The following LRP1B variants were observed in gnomAD, a reference collection of about 807,000 sequenced individuals.
The protein encoded by LRP1B is LDL receptor related protein 1B.
In LRP1B, 217 loss-of-function variants were observed where a neutral mutation model predicts 556.6. The ratio of observed to expected loss-of-function variants is 0.39; its 90% confidence interval spans 0.35 to 0.44. LRP1B has a LOEUF of 0.44. Among genes scored for constraint, LRP1B ranks in the 20% least tolerant of loss-of-function variants. The pLI is 1.00. For synonymous variants in LRP1B, 2,047 were observed against 1,865.8 expected, an observed-to-expected ratio of 1.10 and a Z score of -2.50; for missense variants, 5,053 against 5,620.8, an observed-to-expected ratio of 0.90 and a Z score of 3.23.
At chr2:140,795,669 C>T (rs1289030621) in intron 32 of LRP1B, among the ~76,000 whole-genome samples, 2 of 151,966 alleles carry the variant, frequency 1.3e-5, no homozygotes, top group Non-Finnish European at 2.9e-5. Context: ...ATATAGCCCC[C>T]AAAATTTCTA....
chr2:141,064,730 C>A (rs1001466686), intron 7 of LRP1B, among the ~76,000 whole-genome samples: 1 of 151,872 alleles, frequency 6.6e-6, no homozygotes, highest in African/African-American at 2.4e-5. Flanking sequence ...TAATTTTACC[C>A]TAAAATTTCC....
intron 14 of LRP1B, among the ~76,000 whole-genome samples, chr2:141,010,200 T>G (rs946954581): frequency 2.6e-5 from 4 of 151,996 alleles, no homozygotes; most frequent in Non-Finnish European, 5.9e-5. Context: ...TTCCCCAAAA[T>G]GTGCAAAAAA....
intron 57 of LRP1B, among the ~76,000 whole-genome samples, chr2:140,489,806 A>G (rs1688625709): frequency 6.6e-6 from 1 of 152,074 alleles, no homozygotes; most frequent in Admixed American, 6.6e-5. Flanking sequence ...TTTACCCACA[A>G]TCCCCAGTCA....
At chr2:140,251,763 A>T (rs1681427570) in intron 86 of LRP1B, among the ~76,000 whole-genome samples, 1 of 151,818 alleles carries the variant, frequency 6.6e-6, no homozygotes, top group Admixed American at 6.6e-5. Context: ...TGCATGTCTC[A>T]GTGCCCTTAA....
chr2:141,970,647 C>T (rs933168200), intron 1 of LRP1B, among the ~76,000 whole-genome samples: 1 of 151,514 alleles, frequency 6.6e-6, no homozygotes, highest in African/African-American at 2.4e-5. Context: ...TAGAAATAAG[C>T]TGATCGAATC....
intron 1 of LRP1B, among the ~76,000 whole-genome samples, chr2:142,127,047 C>CCATATCACT (rs1246074503): frequency 4.0e-5 from 6 of 151,552 alleles, no homozygotes; most frequent in African/African-American, 1.5e-4. Context: ...AATACATTAA[C>CCATATCACT]CATATCACTC....
chr2:140,854,453 TTC>T lies in LRP1B; in HGVS notation c.4580-2672_4580-2671del, dbSNP rs200525257. On this transcript the variant is annotated intron_variant, in intron 27 of 90. Coordinates refer to ENST00000389484, the MANE Select transcript of LRP1B (RefSeq NM_018557.3). Reference sequence around the variant, plus strand: ...CATAGATTGAAAAATCCACAAAGAATTCTTACTTTTCATTTTCATCTCTTCTC... The same window carrying T: ...CATAGATTGAAAAATCCACAAAGAATTTACTTTTCATTTTCATCTCTTCTC... Among the ~76,000 whole-genome samples, 1,056 of 152,300 alleles carry T rather than the reference TTC, an allele frequency of 6.9e-3. 17 individuals are homozygous for T. The highest frequency in any genetic ancestry group is 0.024 in the African/African-American group (999 of 41,568).
At chr2:140,664,045 T>C (rs1056438503) in intron 41 of LRP1B, among the ~76,000 whole-genome samples, 2 of 152,158 alleles carry the variant, frequency 1.3e-5, no homozygotes, top group Non-Finnish European at 2.9e-5. Flanking sequence ...ACACACTGTA[T>C]TTCTGACTGC....
At chr2:141,663,330 C>G (rs1690295982) in intron 2 of LRP1B, among the ~76,000 whole-genome samples, 1 of 151,302 alleles carries the variant, frequency 6.6e-6, no homozygotes, top group Non-Finnish European at 1.5e-5. Context: ...AAGAAATAAC[C>G]AAGATCAGAA....
chr2:141,217,134 A>G (rs1192763929), intron 6 of LRP1B, among the ~76,000 whole-genome samples: 1 of 152,134 alleles, frequency 6.6e-6, no homozygotes, highest in Non-Finnish European at 1.5e-5. Context: ...GTAATCTCCA[A>G]CGTTGGAGGT....
chr2:140,254,349 C>A (rs1193272156), intron 86 of LRP1B, among the ~76,000 whole-genome samples: 1 of 152,076 alleles, frequency 6.6e-6, no homozygotes, highest in Non-Finnish European at 1.5e-5. Flanking sequence ...AACTCTGATT[C>A]TCTGAAAATA....
chr2:141,911,930 C>T (rs1699916805), intron 1 of LRP1B, among the ~76,000 whole-genome samples: 1 of 152,096 alleles, frequency 6.6e-6, no homozygotes, highest in Non-Finnish European at 1.5e-5. Flanking sequence ...ATCTCATGAA[C>T]CCCCTACAAG....
Position 141,015,916 on chromosome 2 carries a change from C to T in LRP1B, c.1971-1G>A. On this transcript the variant is annotated splice_acceptor_variant, in intron 12 of 90. Coordinates refer to ENST00000389484, the MANE Select transcript of LRP1B (RefSeq NM_018557.3). LOFTEE classifies it high-confidence loss of function. Reference sequence around the variant, plus strand: ...CTCCCAGTCTGTCCAATACATCCAACTAAGACATTAAAAAAACAACAAAAA... The same window carrying T: ...CTCCCAGTCTGTCCAATACATCCAATTAAGACATTAAAAAAACAACAAAAA... The T allele has an allele frequency of 6.2e-7, 1 of 1,611,394 alleles. No individual in the cohort carries two copies. The highest frequency in any genetic ancestry group is 8.5e-7 in the Non-Finnish European group (1 of 1,177,924).
chr2:140,385,884 G>A lies in LRP1B; in HGVS notation c.10531+9C>T, dbSNP rs768654124. Reference sequence around the variant, plus strand: ...AAGCTCAAAACATTATTAGGCAAGAGTTACTTACTACAGTTTTCTTCATCT... The same window carrying A: ...AAGCTCAAAACATTATTAGGCAAGAATTACTTACTACAGTTTTCTTCATCT... On this transcript the variant is annotated intron_variant, in intron 67 of 90. Coordinates refer to ENST00000389484, the MANE Select transcript of LRP1B (RefSeq NM_018557.3). The A allele has an allele frequency of 2.6e-6, 4 of 1,568,484 alleles. No individual in the cohort carries two copies. Among genetic ancestry groups the A allele is most frequent in the Admixed American group, 1.7e-5 (1 of 59,794 alleles).
At chr2:141,259,792 A>G (rs959830858) in intron 3 of LRP1B, among the ~76,000 whole-genome samples, 2 of 152,352 alleles carry the variant, frequency 1.3e-5, no homozygotes, top group South Asian at 4.1e-4. Flanking sequence ...AATGGGGATA[A>G]TAATAGAAAC....
At chr2:140,681,116 T>A (rs1685846261) in intron 41 of LRP1B, among the ~76,000 whole-genome samples, 1 of 152,180 alleles carries the variant, frequency 6.6e-6, no homozygotes, top group African/African-American at 2.4e-5. Flanking sequence ...CAAAGGAAAA[T>A]TTAATATGGC....
At chr2:140,446,084 C>T (rs1226573489) in intron 63 of LRP1B, among the ~76,000 whole-genome samples, 2 of 152,084 alleles carry the variant, frequency 1.3e-5, no homozygotes, top group Non-Finnish European at 2.9e-5. Context: ...AAGTTATTTG[C>T]TTCCAATCTA....
At chr2:141,619,700 A>C (rs574021119) in intron 2 of LRP1B, among the ~76,000 whole-genome samples, 2 of 152,308 alleles carry the variant, frequency 1.3e-5, no homozygotes, top group South Asian at 4.1e-4. Flanking sequence ...GCAAAACAGC[A>C]ACGTCTCTTT....
intron 3 of LRP1B, among the ~76,000 whole-genome samples, chr2:141,268,009 T>C (rs1011624105): frequency 1.3e-5 from 2 of 152,150 alleles, no homozygotes; most frequent in Admixed American, 1.3e-4. Flanking sequence ...TGAAAAGTCA[T>C]TTTTCCCCTC....
Sources: allele counts gnomAD v4.1 joint callset (sites outside exome capture counted in the v4.1 genomes callset), GRCh38; gene constraint gnomAD v4.1.1; transcripts MANE v1.5; gene names NCBI Gene and HGNC (gene_info 2026-07-23, HGNC 2026-07-21).